The following ZNF33B variants were observed in gnomAD, a reference collection of about 807,000 sequenced individuals.
ZNF33B encodes the protein zinc finger protein 11b (KOX 2).
A neutral mutation model predicts 45.8 loss-of-function variants in ZNF33B; 29 were observed. That is an observed-to-expected ratio of 0.63 (90% CI 0.47 to 0.86). ZNF33B has a LOEUF of 0.86. Ranked by LOEUF, ZNF33B falls within the 40% of genes least tolerant of loss-of-function variation. The pLI, the probability that ZNF33B is intolerant of heterozygous loss-of-function variation, is 0.00. For synonymous variants in ZNF33B, 305 were observed against 307.8 expected (o/e 0.99, Z 0.10); for missense variants, 831 against 909.9 (o/e 0.91, Z 1.12).
chr10:42,575,732 A>ATTT (rs1325042976), intron 1 of ZNF33B, among the ~76,000 whole-genome samples: 1 of 131,862 alleles, frequency 7.6e-6, no homozygotes, highest in African/African-American at 2.8e-5. Context: ...ATATATACAT[A>ATTT]TATATTTTTT....
At position 42,592,726 on chromosome 10, in the gene ZNF33B, A is replaced by G; in HGVS notation, c.2224T>C (p.Ser742Pro). 1 of 1,613,850 alleles carries G rather than the reference A, an allele frequency of 6.2e-7. No homozygotes were observed. Among genetic ancestry groups the G allele is most frequent in the Non-Finnish European group, 8.5e-7 (1 of 1,179,926 alleles). Residue 742 changes from serine (S) to proline (P), a missense_variant, in exon 5 of 5, where the codon TCA (serine) becomes CCA (proline). Physicochemically the swap from Ser to Pro is moderately conservative, Grantham distance 74. Coordinates refer to ENST00000359467, the MANE Select transcript of ZNF33B (RefSeq NM_006955.3). ...RKSDLAKHQR[S>P]HTGEKPYECN... ...TCATAGGGCTTTTCCCCTGTATGTG[A>G]TCTCTGATGTTTAGCAAGGTCTGAT...
chr10:42,574,737 G>T (rs1483037115), intron 1 of ZNF33B: 1 of 152,008 alleles, frequency 6.6e-6, no homozygotes. Context: ...CTTCACACAG[G>T]TCTGTTTTTT....
In ZNF33B at chr10:42,592,317, C is replaced by T. The variant is rs1837162543; in HGVS notation, c.*296G>A. 3 of 569,434 alleles carry T rather than the reference C, an allele frequency of 5.3e-6. No individual in the cohort carries two copies. In the Admixed American group the frequency reaches 1.3e-4, roughly 24 times the overall value. The allele number at this position is 569,434 out of a possible 1,614,324, so 35.3% of individuals were successfully genotyped here. ...GACAATTTTCTCCTCAGTGTAAATG[C>T]TAACATAATCCTATTTGTAGTTTTG... On this transcript the variant is annotated 3_prime_UTR_variant, in exon 5 of 5. Coordinates refer to ENST00000359467, the MANE Select transcript of ZNF33B (RefSeq NM_006955.3).
At chr10:42,596,833 G>T (rs1837420390) in intron 4 of ZNF33B, among the ~76,000 whole-genome samples, 1 of 151,428 alleles carries the variant, frequency 6.6e-6, no homozygotes, top group African/African-American at 2.4e-5. Flanking sequence ...CATATCTTGG[G>T]AGACTCCATT....
rs1305702852 is a variant in ZNF33B at position 42,592,384 on chromosome 10, T to C, written c.*229A>G. 4 of 657,280 alleles carry C rather than the reference T, an allele frequency of 6.1e-6. No homozygotes were observed. The highest frequency in any genetic ancestry group is 5.6e-5 in the African/African-American group (3 of 53,968). 40.7% of individuals were successfully genotyped at this position (657,280 alleles called of 1,614,324 possible). Reference sequence around the variant, plus strand: ...ATTCAAAAAAATCTGTGAGGTTTTATGCCAGTATTAACCATCTGATATTCA... The same window carrying C: ...ATTCAAAAAAATCTGTGAGGTTTTACGCCAGTATTAACCATCTGATATTCA... On this transcript the variant is annotated 3_prime_UTR_variant, in exon 5 of 5. Coordinates refer to ENST00000359467, the MANE Select transcript of ZNF33B (RefSeq NM_006955.3).
intron 1 of ZNF33B, among the ~76,000 whole-genome samples, chr10:42,576,110 C>T (rs523541): frequency 2.6e-5 from 4 of 152,070 alleles, no homozygotes; most frequent in Admixed American, 6.5e-5. Flanking sequence ...AGGCTGGTCT[C>T]GAACTCCTGA....
chr10:42,589,058 AC>A (rs1836995927), downstream of ZNF33B: 1 of 332,118 alleles, frequency 3.0e-6, no homozygotes, highest in Non-Finnish European at 4.3e-6. Context: ...AGTCAGAAAC[AC>A]ACGACTAACA....
chr10:42,635,965 C>T (rs984014033), intron 2 of ZNF33B, among the ~76,000 whole-genome samples: 1 of 151,842 alleles, frequency 6.6e-6, no homozygotes, highest in Non-Finnish European at 1.5e-5. Context: ...CCCGTCTCTA[C>T]TAAATCTACA....
At chr10:42,588,178 GCCTCAGAGA>G (rs1836976252), downstream of ZNF33B, among the ~76,000 whole-genome samples, 1 of 152,222 alleles carries the variant, frequency 6.6e-6, no homozygotes, top group Non-Finnish European at 1.5e-5. Context: ...ACAGGTGGGA[GCCTCAGAGA>G]CCACCTGCCA....
intron 4 of ZNF33B, among the ~76,000 whole-genome samples, chr10:42,631,169 T>A (rs1839033853): frequency 6.6e-6 from 1 of 152,166 alleles, no homozygotes; most frequent in South Asian, 2.1e-4. Context: ...TAAGTATACA[T>A]AATATACTTA....
intron 4 of ZNF33B, among the ~76,000 whole-genome samples, chr10:42,598,825 G>A (rs1443190286): frequency 6.6e-6 from 1 of 152,196 alleles, no homozygotes; most frequent in Non-Finnish European, 1.5e-5. Flanking sequence ...TTATGTTCAT[G>A]AAGGACACTG....
chr10:42,582,988 T>G (rs1433060422), intron 1 of ZNF33B: 2 of 681,968 alleles, frequency 2.9e-6, no homozygotes, highest in Non-Finnish European at 5.4e-6. Flanking sequence ...CCCCACCTCA[T>G]GGGAAGGTAG....
intron 4 of ZNF33B, among the ~76,000 whole-genome samples, chr10:42,620,237 A>C (rs2132123702): frequency 6.6e-6 from 1 of 151,244 alleles, no homozygotes; most frequent in African/African-American, 2.4e-5. Flanking sequence ...AAAAAAAATG[A>C]AACACAAAGA....
chr10:42,586,781 G>C (rs1836944851), downstream of ZNF33B, among the ~76,000 whole-genome samples: 1 of 152,210 alleles, frequency 6.6e-6, no homozygotes, highest in African/African-American at 2.4e-5. Context: ...TGAGAGTGTA[G>C]CATGGCCAAA....
chr10:42,629,287 G>A (rs576751355), intron 4 of ZNF33B, among the ~76,000 whole-genome samples: 1 of 152,238 alleles, frequency 6.6e-6, no homozygotes, highest in East Asian at 1.9e-4. Context: ...GTAACTAGAG[G>A]CTGGGAAAGG....
intron 4 of ZNF33B, among the ~76,000 whole-genome samples, chr10:42,621,492 G>C (rs559242102): frequency 6.6e-6 from 1 of 151,728 alleles, no homozygotes; most frequent in East Asian, 1.9e-4. Flanking sequence ...GACCAAGGGG[G>C]ACTTATCCTG....
chr10:42,592,174 C>A lies in ZNF33B; in HGVS notation c.*439G>T. Reference sequence around the variant, plus strand: ...AAAATTCTTAAAGCTTTACATTCCACAATGTACATCTATAAATTATTGTTA... The same window carrying A: ...AAAATTCTTAAAGCTTTACATTCCAAAATGTACATCTATAAATTATTGTTA... On this transcript the variant is annotated 3_prime_UTR_variant, in exon 5 of 5. Transcript: ENST00000359467. 5.0e-6 allele frequency: 1 copy of A among 201,022 alleles called. No individual in the cohort carries two copies. Among genetic ancestry groups the A allele is most frequent in the Non-Finnish European group, 9.1e-6 (1 of 109,976 alleles). The allele number at this position is 201,022 out of a possible 1,614,324, so 12.5% of individuals were successfully genotyped here.
chr10:42,594,212 GTTATTCTCTT>G lies in ZNF33B; in HGVS notation c.728_737del (p.Glu243AlafsTer41). 1 of 1,613,672 alleles carries G rather than the reference GTTATTCTCTT, an allele frequency of 6.2e-7. No homozygotes were observed. The highest frequency in any genetic ancestry group is 8.5e-7 in the Non-Finnish European group (1 of 1,179,916). The stretch of plus-strand genomic sequence containing the variant: ...TTCTCCCAAATTCATTATAGTCACA[GTTATTCTCTT>G]CTGCATTCTCTCTCTTCCGTGTATT... On this transcript the variant is annotated frameshift_variant, in exon 5 of 5. Coordinates refer to ENST00000359467, the MANE Select transcript of ZNF33B (RefSeq NM_006955.3). LOFTEE classifies it low-confidence loss of function (END_TRUNC).
chr10:42,596,789 A>G (rs1408237902), intron 4 of ZNF33B, among the ~76,000 whole-genome samples: 1 of 152,048 alleles, frequency 6.6e-6, no homozygotes, highest in African/African-American at 2.4e-5. Context: ...CCTGTCACCT[A>G]GCTACACTTA....
Sources: gnomAD v4.1 joint callset for allele counts (sites outside exome capture counted in the v4.1 genomes callset) on GRCh38, gnomAD v4.1.1 for gene constraint, MANE v1.5 for transcripts, NCBI Gene and HGNC (gene_info 2026-07-23, HGNC 2026-07-21) for gene names.